The following FKBP15 variants were observed in gnomAD, a reference collection of about 807,000 sequenced individuals.
FKBP15 encodes FKBP prolyl isomerase family member 15.
Under a neutral mutation model 158.1 loss-of-function variants are expected in FKBP15, and 106 were observed. The ratio of observed to expected loss-of-function variants is 0.67; its 90% CI spans 0.57 to 0.79. FKBP15 has a LOEUF of 0.79. Among genes scored for constraint, FKBP15 ranks in the 30% least tolerant of loss-of-function variants. FKBP15 has a pLI of 0.00. For synonymous variants in FKBP15, 547 were observed against 548.6 expected, an observed-to-expected ratio of 1.00 and a Z score of 0.04; for missense variants, 1,287 against 1,479.1, an observed-to-expected ratio of 0.87 and a Z score of 2.13.
chr9:113,174,481 G>C lies in FKBP15; in HGVS notation c.2326C>G (p.Arg776Gly), dbSNP rs1017089139. 1 of 1,613,922 alleles carries C rather than the reference G, an allele frequency of 6.2e-7. No homozygotes were observed. Among genetic ancestry groups the C allele is most frequent in the Non-Finnish European group, 8.5e-7 (1 of 1,179,868 alleles). Residue 776 changes from arginine (R) to glycine (G), a missense_variant, in exon 22 of 28, where the codon CGA becomes GGA. Coordinates refer to ENST00000238256, the MANE Select transcript of FKBP15 (RefSeq NM_015258.2). ...ACTCGAGTCTTTTTCAAGAGCTGTCGAAGTTTGTCCAATTCCTCCTGGTAT... is the reference window on the plus strand; with the variant it reads ...ACTCGAGTCTTTTTCAAGAGCTGTCCAAGTTTGTCCAATTCCTCCTGGTAT... The part of the protein sequence containing the change: ...KSYQEELDKL[R>G]QLLKKTRVST...
chr9:113,184,800 T>G lies in FKBP15; in HGVS notation c.1503A>C (p.Ser501=). 1 of 1,593,072 alleles carries G rather than the reference T, an allele frequency of 6.3e-7. No homozygotes were observed. Among genetic ancestry groups the G allele is most frequent in the Non-Finnish European group, 8.6e-7 (1 of 1,169,062 alleles). Residue 501 remains serine (S), a synonymous_variant, in exon 16 of 28, where the codon TCA becomes TCC. Transcript: ENST00000238256. The surrounding 1 kb of genome is among the most constrained non-coding windows in gnomAD (Gnocchi z 4.5). ...TCATGAGAAATGAAGCCATATCACC[T>G]GATCCTAAACAGATACAAGCCAAAA... The part of the protein sequence containing the change: ...PLSQPPHFQG[S]GDMASFLMTE...
Position 113,163,073 on chromosome 9 carries a change from G to A in FKBP15, c.*3005C>T. The A allele has an allele frequency of 1.5e-6, 1 of 664,568 alleles. No individual in the cohort carries two copies. The highest frequency in any genetic ancestry group is 2.4e-5 in the South Asian group (1 of 41,678). The allele number at this position is 664,568 out of a possible 1,614,324, so 41.2% of individuals were successfully genotyped here. On this transcript the variant is annotated 3_prime_UTR_variant, in exon 28 of 28. Transcript: ENST00000238256. Reference sequence around the variant, plus strand: ...CTGAAGCCAGCACTTGCTCCCTGGAGTTCGGAAGCCATTGCAGCAACCTTC... The same window carrying A: ...CTGAAGCCAGCACTTGCTCCCTGGAATTCGGAAGCCATTGCAGCAACCTTC...
Position 113,198,822 on chromosome 9 carries a change from TA to T in FKBP15, c.717+32del. 1 of 1,505,320 alleles carries T rather than the reference TA, an allele frequency of 6.6e-7. No individual in the cohort carries two copies. The highest frequency in any genetic ancestry group is 9.1e-7 in the Non-Finnish European group (1 of 1,099,648). The allele number at this position is 1,505,320 out of a possible 1,614,324, so 93.2% of individuals were successfully genotyped here. ...TCTAAGTTAAACCCACTGCAACTGATAAAACCATAAAAAAACACAGTTAAGC... is the reference window on the plus strand; with the variant it reads ...TCTAAGTTAAACCCACTGCAACTGATAAACCATAAAAAAACACAGTTAAGC... On this transcript the variant is annotated intron_variant, in intron 8 of 27. Coordinates refer to ENST00000238256, the MANE Select transcript of FKBP15 (RefSeq NM_015258.2). This position sits in a 1 kb window ranked among gnomAD's most constrained non-coding sequence, Gnocchi z 5.2.
chr9:113,178,842 G>A (rs1157889312), intron 19 of FKBP15, 41 bp from the exon 20 acceptor site: 3 of 1,549,376 alleles, frequency 1.9e-6, no homozygotes, highest in African/African-American at 2.7e-5. Context: ...AAACATAGGT[G>A]TTCTCCATGC....
At position 113,188,443 on chromosome 9, in the gene FKBP15, C is replaced by T. The variant is rs376379491; in HGVS notation, c.1222G>A (p.Val408Ile). Reference protein sequence around the residue: ...GGGQPVVTPSVQPSLHPAHPA... With the variant: ...GGGQPVVTPSIQPSLHPAHPA... ...TGGGCCGGATGAAGAGAGGGCTGGA[C>T]GGACGGAGTCACCACAGGCTGCCCA... is the stretch of plus-strand genomic sequence containing the variant. The change falls in exon 13 of 28, where the codon GTC (valine) becomes ATC (isoleucine). Residue 408 changes from valine (V) to isoleucine (I), a missense_variant. By Grantham distance (29) the Val-to-Ile change is conservative. Coordinates refer to ENST00000238256, the MANE Select transcript of FKBP15 (RefSeq NM_015258.2). 84 of 1,613,604 alleles carry T rather than the reference C, an allele frequency of 5.2e-5. No individual in the cohort carries two copies. Among genetic ancestry groups the T allele is most frequent in the Admixed American group, 4.3e-4 (26 of 59,998 alleles).
intron 1 of FKBP15, among the ~76,000 whole-genome samples, chr9:113,215,551 T>TA (rs1185137971): frequency 6.6e-6 from 1 of 150,426 alleles, no homozygotes; most frequent in Non-Finnish European, 1.5e-5. Context: ...ATTCAGAGGA[T>TA]ATATGTGTGT....
rs1256546619 is a variant in FKBP15 at position 113,169,349 on chromosome 9, A to G, written c.3360T>C (p.Pro1120=). ...LGPESPGEPQ[P]PQLKKDDVTS... is the part of the protein sequence containing the mutation. ...TGACATCATCTTTCTTGAGCTGTGGAGGCTGAGGCTCTCCTGGGCTTTCAG... is the reference window on the plus strand; with the variant it reads ...TGACATCATCTTTCTTGAGCTGTGGGGGCTGAGGCTCTCCTGGGCTTTCAG... The change falls in exon 26 of 28, where the codon CCT becomes CCC. Residue 1120 remains proline (P), a synonymous_variant. Transcript: ENST00000238256. 2 of 1,613,908 alleles carry G rather than the reference A, an allele frequency of 1.2e-6. No homozygotes were observed. Among genetic ancestry groups the G allele is most frequent in the Non-Finnish European group, 1.7e-6 (2 of 1,179,904 alleles).
At chr9:113,212,092 T>C (rs1057506641) in intron 1 of FKBP15, among the ~76,000 whole-genome samples, 2 of 152,204 alleles carry the variant, frequency 1.3e-5, no homozygotes, top group Non-Finnish European at 2.9e-5. Flanking sequence ...CATCCTTTCA[T>C]CTAACAGAAC....
chr9:113,188,487 A>G lies in FKBP15; in HGVS notation c.1178T>C (p.Val393Ala), dbSNP rs1384411641. The change falls in exon 13 of 28, where the codon GTG becomes GCG. Residue 393 changes from valine (V) to alanine (A), a missense_variant. Val to Ala is a moderately conservative substitution (Grantham distance 64). Coordinates refer to ENST00000238256, the MANE Select transcript of FKBP15 (RefSeq NM_015258.2). ...CTGCCCACCTCCTTGCAGAGTGTTC[A>G]CATCCTGAAACAGGAACAAGCGTTT... is the stretch of plus-strand genomic sequence containing the variant. ...LDSNDSEIED[V>A]NTLQGGGQPV... 6.2e-7 allele frequency: 1 copy of G among 1,613,420 alleles called. No homozygotes were observed. The highest frequency in any genetic ancestry group is 1.7e-5 in the Admixed American group (1 of 59,990).
At chr9:113,181,001 T>C (rs917624157) in intron 19 of FKBP15, among the ~76,000 whole-genome samples, 12 of 152,034 alleles carry the variant, frequency 7.9e-5, no homozygotes, top group African/African-American at 1.9e-4. Context: ...GAGAAGTGGA[T>C]CAAAAGAAAA....
At position 113,187,861 on chromosome 9, in the gene FKBP15, C is replaced by T. The variant is rs73655816; in HGVS notation, c.1315G>A (p.Ala439Thr). The change falls in exon 14 of 28, where the codon GCT (alanine) becomes ACT (threonine). Residue 439 changes from alanine (A) to threonine (T), a missense_variant. Transcript: ENST00000238256. ...PSVTGLQAPS[A>T]ALMQVSSLDS... Reference sequence around the variant, plus strand: ...AGAGATGACACTTGCATTAAGGCAGCAGAAGGTGCCTGGAGCCCAGTAACA... The same window carrying T: ...AGAGATGACACTTGCATTAAGGCAGTAGAAGGTGCCTGGAGCCCAGTAACA... 5,040 of 1,613,890 alleles carry T rather than the reference C, an allele frequency of 3.1e-3. 148 individuals are homozygous for T. The African/African-American group carries it at 0.058, about 19-fold the overall frequency.
chr9:113,183,387 A>T (rs1008998720), intron 18 of FKBP15, among the ~76,000 whole-genome samples: 9 of 152,056 alleles, frequency 5.9e-5, no homozygotes, highest in Non-Finnish European at 1.0e-4. Flanking sequence ...CTGAGTTCTG[A>T]TGGATAAAAT....
At chr9:113,200,737 G>A (rs958484258) in intron 6 of FKBP15, among the ~76,000 whole-genome samples, 1 of 151,972 alleles carries the variant, frequency 6.6e-6, no homozygotes, top group Non-Finnish European at 1.5e-5. Context: ...GGAACTTGCG[G>A]CTCATTTTCT....
intron 1 of FKBP15, 87 bp from the exon 2 acceptor site, chr9:113,211,679 C>G: frequency 1.2e-6 from 1 of 842,910 alleles, no homozygotes; most frequent in East Asian, 2.8e-5. Flanking sequence ...CAACCTTGAA[C>G]AAATACCTCC....
intron 18 of FKBP15, among the ~76,000 whole-genome samples, chr9:113,183,505 C>T (rs1830435721): frequency 6.6e-6 from 1 of 151,960 alleles, no homozygotes; most frequent in Admixed American, 6.6e-5. Context: ...AATAACATGC[C>T]CAGAGCCACA....
At chr9:113,197,201 G>A (rs775739977) in intron 8 of FKBP15, 123 bp from the exon 9 acceptor site, 35 of 1,157,882 alleles carry the variant, frequency 3.0e-5, no homozygotes, top group African/African-American at 4.6e-5. Flanking sequence ...TCCAGAGGTC[G>A]GGTCTGACTA....
At chr9:113,192,060 G>C (rs1002757617) in intron 11 of FKBP15, among the ~76,000 whole-genome samples, 1 of 151,254 alleles carries the variant, frequency 6.6e-6, no homozygotes, top group Non-Finnish European at 1.5e-5. Flanking sequence ...AAGAAAAATA[G>C]TTGGAGGCCA....
Position 113,211,416 on chromosome 9 carries a change from C to T in FKBP15, c.169+61G>A, listed in dbSNP as rs752796274. On this transcript the variant is annotated intron_variant, in intron 2 of 27. Coordinates refer to ENST00000238256, the MANE Select transcript of FKBP15 (RefSeq NM_015258.2). Reference sequence around the variant, plus strand: ...TCAGGTGATCCACCGGCCTCGGCCTCCCAAAGTGCTGGGATTACAGGCATT... The same window carrying T: ...TCAGGTGATCCACCGGCCTCGGCCTTCCAAAGTGCTGGGATTACAGGCATT... 1.7e-4 allele frequency: 230 copies of T among 1,380,584 alleles called. 1 individual carries two copies. Among genetic ancestry groups the T allele is most frequent in the South Asian group, 2.2e-4 (17 of 77,790 alleles). 85.5% of individuals were successfully genotyped at this position (1,380,584 alleles called of 1,614,324 possible). A position where few individuals can be genotyped will look rare whatever the true frequency, so the allele number is the denominator to read the frequency against.
chr9:113,190,041 C>A (rs1298546501), intron 12 of FKBP15, among the ~76,000 whole-genome samples: 1 of 152,046 alleles, frequency 6.6e-6, no homozygotes, highest in Admixed American at 6.6e-5. Flanking sequence ...CACAAGAATA[C>A]CACATACAAA....
Sources: gnomAD v4.1 joint callset for allele counts (sites outside exome capture counted in the v4.1 genomes callset) on GRCh38, gnomAD v4.1.1 for gene constraint, Gnocchi (gnomAD v3.1) non-coding constraint, MANE v1.5 for transcripts, NCBI Gene and HGNC (gene_info 2026-07-23, HGNC 2026-07-21) for gene names.